PTPN1: variants seen among roughly 807,000 people sequenced by gnomAD.
The protein encoded by PTPN1 is tyrosine-protein phosphatase non-receptor type 1.
In PTPN1, 12 loss-of-function variants were observed where a neutral mutation model predicts 59.9. That is an observed-to-expected ratio of 0.20 (90% CI 0.13 to 0.32). The LOEUF is 0.32. PTPN1 is among the 10% of genes least tolerant of loss of function. PTPN1 has a pLI of 1.00. For missense variants in PTPN1, 356 were observed against 549.2 expected (o/e 0.65, Z 3.52); for synonymous variants, 178 against 203.6 (o/e 0.87, Z 1.07).
At chr20:50,571,056 ATTG>A (rs2082805964) in intron 4 of PTPN1, 1 of 152,260 alleles carries the variant, frequency 6.6e-6, no homozygotes, top group Non-Finnish European at 1.5e-5. Flanking sequence ...TGCTTTAGCA[ATTG>A]TTGTCACATT....
In PTPN1 at chr20:50,539,450, A is replaced by G. The variant is rs182897245; in HGVS notation, c.64-21913A>G. ...ATTCATAATAGTTTGTCAGCAGCCT[A>G]TTATTTTAAGGCCATTTGGTCTGTA... On this transcript the variant is annotated intron_variant, in intron 1 of 9. Coordinates refer to ENST00000371621, the MANE Select transcript of PTPN1 (RefSeq NM_002827.4). Among the ~76,000 whole-genome samples, 260 of 152,242 alleles carry G rather than the reference A, an allele frequency of 1.7e-3. 2 individuals are homozygous for G. Among genetic ancestry groups the G allele is most frequent in the Non-Finnish European group, 1.5e-3 (103 of 68,014 alleles).
chr20:50,547,897 C>G (rs748515258), intron 1 of PTPN1, among the ~76,000 whole-genome samples: 2 of 152,052 alleles, frequency 1.3e-5, no homozygotes, highest in Non-Finnish European at 2.9e-5. Context: ...TGACAATGGT[C>G]CCTTTTTATT....
At chr20:50,562,562 G>T (rs1048881767) in intron 2 of PTPN1, among the ~76,000 whole-genome samples, 4 of 152,136 alleles carry the variant, frequency 2.6e-5, no homozygotes, top group African/African-American at 7.2e-5. Context: ...TTAGCCCAGC[G>T]CCCAGTACCT....
chr20:50,536,872 A>G (rs2082626064), intron 1 of PTPN1, among the ~76,000 whole-genome samples: 1 of 152,086 alleles, frequency 6.6e-6, no homozygotes. Flanking sequence ...TTTATGCTAT[A>G]TTTCATGTTT....
intron 4 of PTPN1, chr20:50,571,470 G>C (rs1238147441): frequency 6.6e-6 from 1 of 152,240 alleles, no homozygotes; most frequent in Non-Finnish European, 1.5e-5. Context: ...GAGAAATCAT[G>C]AGAAGTTACA....
intron 3 of PTPN1, 80 bp downstream of exon 3, chr20:50,565,149 C>A: frequency 7.3e-7 from 1 of 1,378,778 alleles, no homozygotes; most frequent in Non-Finnish European, 9.8e-7. Context: ...CAAATAAAAT[C>A]TGCCACATCC....
intron 1 of PTPN1, among the ~76,000 whole-genome samples, chr20:50,515,979 A>C (rs6067472): frequency 6.6e-6 from 1 of 151,956 alleles, no homozygotes; most frequent in Non-Finnish European, 1.5e-5. Flanking sequence ...GATACCACTG[A>C]TTTGTTTCAC....
At chr20:50,524,567 G>GTTTTTTTTTTT (rs1386022104) in intron 1 of PTPN1, among the ~76,000 whole-genome samples, 2 of 64,110 alleles carry the variant, frequency 3.1e-5, no homozygotes, top group African/African-American at 8.0e-5. Flanking sequence ...CCATTATGTG[G>GTTTTTTTTTTT]TCTTTTTTTT....
intron 1 of PTPN1, among the ~76,000 whole-genome samples, chr20:50,555,077 A>ATTAAATC (rs1329741169): frequency 1.3e-5 from 2 of 152,240 alleles, no homozygotes; most frequent in Non-Finnish European, 2.9e-5. Context: ...TAGAAAAAGA[A>ATTAAATC]CAAATTAAAT....
intron 1 of PTPN1, among the ~76,000 whole-genome samples, chr20:50,550,550 A>T (rs2082697790): frequency 6.6e-6 from 1 of 152,248 alleles, no homozygotes; most frequent in Admixed American, 6.5e-5. Context: ...GTAACAAGTA[A>T]TTGAGAAAAT....
intron 1 of PTPN1, among the ~76,000 whole-genome samples, chr20:50,524,859 G>A (rs890020056): frequency 1.3e-5 from 2 of 152,000 alleles, no homozygotes; most frequent in African/African-American, 4.8e-5. Flanking sequence ...ACAGGCGTGA[G>A]CCACCATGCC....
chr20:50,542,998 T>TATGA (rs1250915666), intron 1 of PTPN1, among the ~76,000 whole-genome samples: 1 of 152,236 alleles, frequency 6.6e-6, no homozygotes, highest in African/African-American at 2.4e-5. Flanking sequence ...ATGCCTATTA[T>TATGA]ATGAAATAGG....
At chr20:50,561,088 CA>C (rs2082750200) in intron 1 of PTPN1, among the ~76,000 whole-genome samples, 1 of 152,174 alleles carries the variant, frequency 6.6e-6, no homozygotes, top group Admixed American at 6.5e-5. Flanking sequence ...CTCCAGCCCC[CA>C]TGCCTTTGCT....
intron 1 of PTPN1, among the ~76,000 whole-genome samples, chr20:50,511,820 A>G (rs187356083): frequency 1.2e-3 from 186 of 152,328 alleles, no homozygotes; most frequent in African/African-American, 4.3e-3. Flanking sequence ...ACTTGTGTAA[A>G]GGGAGACAGC....
chr20:50,510,604 C>A lies in PTPN1; in HGVS notation c.63+14C>A. On this transcript the variant is annotated intron_variant, in intron 1 of 9. Transcript: ENST00000371621. ...GCCATTTACCAGGTGCGGGAGCGCC[C>A]CGGAGCGTGGCGGGCCCTTCGCTTA... 6.4e-7 allele frequency: 1 copy of A among 1,550,548 alleles called. No individual in the cohort carries two copies. Among genetic ancestry groups the A allele is most frequent in the Non-Finnish European group, 8.7e-7 (1 of 1,146,450 alleles).
intron 1 of PTPN1, among the ~76,000 whole-genome samples, chr20:50,544,534 G>C (rs1047599957): frequency 6.6e-6 from 1 of 152,128 alleles, no homozygotes; most frequent in African/African-American, 2.4e-5. Flanking sequence ...TTTAAAATAC[G>C]TAAAGAGCTT....
intron 1 of PTPN1, among the ~76,000 whole-genome samples, chr20:50,511,231 A>G (rs1468269615): frequency 6.6e-6 from 1 of 152,228 alleles, no homozygotes; most frequent in Non-Finnish European, 1.5e-5. Flanking sequence ...GAATAGGGCA[A>G]TCAAACACAA....
chr20:50,529,548 A>C (rs912151844), intron 1 of PTPN1, among the ~76,000 whole-genome samples: 5 of 152,208 alleles, frequency 3.3e-5, no homozygotes, highest in African/African-American at 1.2e-4. Flanking sequence ...TTATAGCAAA[A>C]GTTCTGAGCA....
At chr20:50,533,232 A>G (rs2082609150) in intron 1 of PTPN1, among the ~76,000 whole-genome samples, 1 of 152,166 alleles carries the variant, frequency 6.6e-6, no homozygotes, top group South Asian at 2.1e-4. Context: ...CTTGTAAACC[A>G]TACACGCATT....
Sources: allele counts gnomAD v4.1 joint callset (sites outside exome capture counted in the v4.1 genomes callset), GRCh38; gene constraint gnomAD v4.1.1; transcripts MANE v1.5; gene names NCBI Gene and HGNC (gene_info 2026-07-23, HGNC 2026-07-21).